Variants in CNTNAP2 observed in about 807,000 individuals in gnomAD.
The protein encoded by CNTNAP2 is contactin associated protein 2, also known as contactin-associated protein-like 2.
Under a neutral mutation model 155.2 loss-of-function variants are expected in CNTNAP2, and 98 were observed. The observed-to-expected ratio is 0.63, with a 90% CI of 0.54 to 0.75. The LOEUF is 0.75. CNTNAP2 is among the 30% of genes least tolerant of loss of function. The pLI is 0.00. For synonymous variants in CNTNAP2, 651 were observed against 631.2 expected (o/e 1.03, Z -0.47); for missense variants, 1,727 against 1,688.1 (o/e 1.02, Z -0.40).
rs1554424732 is a variant in CNTNAP2 at position 147,011,444 on chromosome 7, A to AAAAAAAAAG, written c.403-32463_403-32462insAAAAAAAAG. On this transcript the variant is annotated intron_variant, in intron 3 of 23. Coordinates refer to ENST00000361727, the MANE Select transcript of CNTNAP2 (RefSeq NM_014141.6). ...AAAAAAAAAAAAAAAAAAAAAAAAAAGGAACAAGGTTGTGAGGGTAACAGA... is the reference window on the plus strand; with the variant it reads ...AAAAAAAAAAAAAAAAAAAAAAAAAAAAAAAAAAGGGAACAAGGTTGTGAGGGTAACAGA... Among the ~76,000 whole-genome samples the AAAAAAAAAG allele has an allele frequency of 1.1e-4, 14 of 127,710 alleles. 1 individual carries two copies. The highest frequency in any genetic ancestry group is 1.4e-4 in the Non-Finnish European group (8 of 58,526). The allele number at this position is 127,710 out of a possible 152,430, so 83.8% of individuals were successfully genotyped here.
At chr7:148,110,563 A>T (rs549579107) in intron 15 of CNTNAP2, among the ~76,000 whole-genome samples, 5 of 152,164 alleles carry the variant, frequency 3.3e-5, no homozygotes, top group African/African-American at 4.8e-5. Flanking sequence ...GAACTTCAGC[A>T]CATCACAAGT....
At chr7:147,946,732 C>G (rs1213583772) in intron 14 of CNTNAP2, among the ~76,000 whole-genome samples, 1 of 152,088 alleles carries the variant, frequency 6.6e-6, no homozygotes, top group Non-Finnish European at 1.5e-5. Flanking sequence ...GGGATATTCT[C>G]AGTCCGTCTG....
chr7:147,755,009 G>A (rs1023307616), intron 13 of CNTNAP2, among the ~76,000 whole-genome samples: 4 of 152,138 alleles, frequency 2.6e-5, no homozygotes, highest in Non-Finnish European at 5.9e-5. Context: ...ATTATCTATT[G>A]ATTTTTATGT....
intron 3 of CNTNAP2, among the ~76,000 whole-genome samples, chr7:146,917,454 C>G (rs1439110514): frequency 6.6e-6 from 1 of 152,056 alleles, no homozygotes; most frequent in African/African-American, 2.4e-5. Context: ...TTTCTTAGGT[C>G]CAGTAAGTAA....
chr7:146,989,919 AT>A (rs5888230), intron 3 of CNTNAP2, among the ~76,000 whole-genome samples: 84,749 of 149,724 alleles, frequency 0.57, 24,109 homozygotes, highest in East Asian at 0.74. Context: ...AGTGCCATTG[AT>A]TTTTTTTTTT....
At chr7:146,599,114 T>A (rs1056662652) in intron 1 of CNTNAP2, among the ~76,000 whole-genome samples, 1 of 152,096 alleles carries the variant, frequency 6.6e-6, no homozygotes, top group Non-Finnish European at 1.5e-5. Context: ...CTTCAAGATA[T>A]GTCTAGAATC....
rs182992344 is a variant in CNTNAP2, at chr7:147,203,436, T to A, written c.1348+70927T>A. 6.6e-3 allele frequency among the ~76,000 whole-genome samples: 1,004 copies of A among 152,204 alleles called. 14 individuals are homozygous for A. Among genetic ancestry groups the A allele is most frequent in the African/African-American group, 0.023 (945 of 41,504 alleles). ...TAGTAGAGATAGTGTTTCATCATGT[T>A]GGCCAGGCTGGTCTCGAACTCCTGA... On this transcript the variant is annotated intron_variant, in intron 8 of 23. Coordinates refer to ENST00000361727, the MANE Select transcript of CNTNAP2 (RefSeq NM_014141.6).
chr7:148,415,979 T>G lies in CNTNAP2; in HGVS notation c.*363T>G, dbSNP rs1276994461. The G allele has an allele frequency of 3.6e-6, 1 of 274,314 alleles. No homozygotes were observed. Among genetic ancestry groups the G allele is most frequent in the African/African-American group, 2.2e-5 (1 of 45,272 alleles). The allele number at this position is 274,314 out of a possible 1,614,324, so 17.0% of individuals were successfully genotyped here. On this transcript the variant is annotated 3_prime_UTR_variant, in exon 24 of 24. Coordinates refer to ENST00000361727, the MANE Select transcript of CNTNAP2 (RefSeq NM_014141.6). Reference sequence around the variant, plus strand: ...AGTTTTCTACGTTTTTAAGAGCCCTTAGAACGTGGGTATTTTTTTTCTTGA... The same window carrying G: ...AGTTTTCTACGTTTTTAAGAGCCCTGAGAACGTGGGTATTTTTTTTCTTGA...
At chr7:146,939,608 AT>A (rs1797003636) in intron 3 of CNTNAP2, among the ~76,000 whole-genome samples, 1 of 152,064 alleles carries the variant, frequency 6.6e-6, no homozygotes, top group Non-Finnish European at 1.5e-5. Context: ...AAATTTTTTG[AT>A]TCCTTGATTC....
chr7:148,266,566 T>G (rs1214412561), intron 20 of CNTNAP2, among the ~76,000 whole-genome samples: 1 of 152,154 alleles, frequency 6.6e-6, no homozygotes, highest in African/African-American at 2.4e-5. Context: ...CCGAGAAAAC[T>G]ACAACTGTTT....
chr7:146,671,263 C>T (rs773974971), intron 1 of CNTNAP2, among the ~76,000 whole-genome samples: 18 of 152,182 alleles, frequency 1.2e-4, no homozygotes, highest in Non-Finnish European at 2.4e-4. Flanking sequence ...GACCCATCAC[C>T]TGTGTGAAGG....
chr7:146,371,586 C>T (rs1338055628), intron 1 of CNTNAP2, among the ~76,000 whole-genome samples: 6 of 151,736 alleles, frequency 4.0e-5, no homozygotes, highest in Admixed American at 3.3e-4. Context: ...ACCATGGTCT[C>T]GATCTCCTGA....
chr7:146,202,762 A>C (rs1798886261), intron 1 of CNTNAP2, among the ~76,000 whole-genome samples: 1 of 152,156 alleles, frequency 6.6e-6, no homozygotes, highest in Non-Finnish European at 1.5e-5. Flanking sequence ...ATCATATAAA[A>C]CTGCATAAAA....
chr7:148,152,184 C>T (rs980020337), intron 17 of CNTNAP2, among the ~76,000 whole-genome samples: 8 of 151,914 alleles, frequency 5.3e-5, no homozygotes, highest in Middle Eastern at 3.4e-3. Context: ...GTAAATAAAG[C>T]GTTTAATTAA....
intron 1 of CNTNAP2, among the ~76,000 whole-genome samples, chr7:146,193,558 G>A (rs1347796263): frequency 6.6e-6 from 1 of 152,188 alleles, no homozygotes; most frequent in African/African-American, 2.4e-5. Context: ...AGCAGCTGGG[G>A]CAGAGGGCAC....
At chr7:146,761,989 A>G (rs996258910) in intron 1 of CNTNAP2, among the ~76,000 whole-genome samples, 2 of 152,208 alleles carry the variant, frequency 1.3e-5, no homozygotes, top group Non-Finnish European at 2.9e-5. Flanking sequence ...AATTAATGCC[A>G]GATTAACAGA....
intron 10 of CNTNAP2, among the ~76,000 whole-genome samples, chr7:147,409,682 A>G (rs1476635646): frequency 1.3e-5 from 2 of 152,180 alleles, no homozygotes; most frequent in Admixed American, 1.3e-4. Context: ...AGCATCTAAT[A>G]GGAACTGAAA....
chr7:147,013,817 G>A (rs36031634), intron 3 of CNTNAP2, among the ~76,000 whole-genome samples: 57,675 of 151,914 alleles, frequency 0.38, 11,145 homozygotes, highest in South Asian at 0.43. Flanking sequence ...TCCTCTTTGG[G>A]ATAAGGGGAA....
chr7:146,397,207 C>A (rs542457131), intron 1 of CNTNAP2, among the ~76,000 whole-genome samples: 1 of 152,182 alleles, frequency 6.6e-6, no homozygotes, highest in Non-Finnish European at 1.5e-5. Context: ...TCTTGATTGA[C>A]ATGTCTACTT....
Sources: allele counts gnomAD v4.1 joint callset (sites outside exome capture counted in the v4.1 genomes callset), GRCh38; gene constraint gnomAD v4.1.1; transcripts MANE v1.5; gene names NCBI Gene and HGNC (gene_info 2026-07-23, HGNC 2026-07-21).